The following SLC44A1 variants were observed in gnomAD, a reference collection of about 807,000 sequenced individuals.
SLC44A1 encodes the protein choline transporter-like protein 1.
A neutral mutation model predicts 79.3 loss-of-function variants in SLC44A1; 26 were observed. The ratio of observed to expected loss-of-function variants is 0.33; its 90% CI spans 0.24 to 0.46. The LOEUF is 0.46. SLC44A1 is among the 20% of genes least tolerant of loss of function. The pLI is 1.00. For synonymous variants in SLC44A1, 263 were observed against 286.2 expected, an observed-to-expected ratio of 0.92 and a Z score of 0.82; for missense variants, 688 against 798.1, an observed-to-expected ratio of 0.86 and a Z score of 1.66.
intron 15 of SLC44A1, 26 bp from the exon 16 acceptor site, chr9:105,389,007 A>G: frequency 6.3e-7 from 1 of 1,583,224 alleles, no homozygotes; most frequent in Non-Finnish European, 8.7e-7. Flanking sequence ...GTCTAAGATT[A>G]TACTCTGTAT....
intron 4 of SLC44A1, among the ~76,000 whole-genome samples, chr9:105,346,231 C>A (rs1827243526): frequency 6.6e-6 from 1 of 152,072 alleles, no homozygotes; most frequent in Non-Finnish European, 1.5e-5. Flanking sequence ...AGTACAGGAT[C>A]TATTTAGTAC....
chr9:105,420,861 CAAAAAAAAAAA>C (rs34053627), intron 15 of SLC44A1, among the ~76,000 whole-genome samples: 9 of 12,470 alleles, frequency 7.2e-4, no homozygotes, highest in Non-Finnish European at 1.5e-3. Flanking sequence ...AACTCCATCT[CAAAAAAAAAAA>C]AAAAAAAAAA....
At chr9:105,266,823 C>G (rs949541884) in intron 1 of SLC44A1, among the ~76,000 whole-genome samples, 6 of 152,168 alleles carry the variant, frequency 3.9e-5, no homozygotes, top group African/African-American at 7.2e-5. Flanking sequence ...TTAGAATCAG[C>G]TTGTTAATAT....
intron 1 of SLC44A1, among the ~76,000 whole-genome samples, chr9:105,279,059 A>G (rs1207230056): frequency 1.3e-5 from 2 of 151,946 alleles, no homozygotes; most frequent in African/African-American, 4.8e-5. Context: ...CAACCCGGGA[A>G]CCAAACTCAG....
intron 15 of SLC44A1, among the ~76,000 whole-genome samples, chr9:105,420,967 G>A (rs1182302462): frequency 6.7e-6 from 1 of 148,490 alleles, no homozygotes; most frequent in African/African-American, 2.5e-5. Context: ...CATTCAGAAA[G>A]ACACAGATAT....
intron 15 of SLC44A1, among the ~76,000 whole-genome samples, chr9:105,433,160 G>A (rs968779352): frequency 3.3e-5 from 5 of 152,076 alleles, no homozygotes; most frequent in Non-Finnish European, 7.4e-5. Flanking sequence ...GCCGGGTATG[G>A]TAGTGTGCGC....
chr9:105,304,510 C>A (rs1035027096), intron 2 of SLC44A1, among the ~76,000 whole-genome samples: 1 of 152,060 alleles, frequency 6.6e-6, no homozygotes, highest in Non-Finnish European at 1.5e-5. Flanking sequence ...TTTTAATCTG[C>A]TTTTGCTTTA....
intron 4 of SLC44A1, among the ~76,000 whole-genome samples, chr9:105,347,861 G>A: frequency 6.6e-6 from 1 of 152,094 alleles, no homozygotes; most frequent in East Asian, 1.9e-4. Context: ...TAAGCATTTA[G>A]TAATTGAAAG....
intron 1 of SLC44A1, among the ~76,000 whole-genome samples, chr9:105,292,597 A>G (rs1338969694): frequency 1.3e-5 from 2 of 152,222 alleles, no homozygotes; most frequent in African/African-American, 2.4e-5. Context: ...AACACATTCT[A>G]TTTTAGACAC....
At chr9:105,371,349 A>C (rs554878061) in intron 12 of SLC44A1, among the ~76,000 whole-genome samples, 1 of 152,364 alleles carries the variant, frequency 6.6e-6, no homozygotes, top group South Asian at 2.1e-4. Context: ...ACGACGGCAC[A>C]GTTCCATCAC....
At chr9:105,322,410 A>G (rs1292722046) in intron 3 of SLC44A1, among the ~76,000 whole-genome samples, 1 of 152,204 alleles carries the variant, frequency 6.6e-6, no homozygotes, top group Non-Finnish European at 1.5e-5. Context: ...AGAAGAGTGT[A>G]TCAGTCTTAT....
chr9:105,351,620 A>AAGAG (rs1219028504), intron 5 of SLC44A1, among the ~76,000 whole-genome samples: 4 of 78,512 alleles, frequency 5.1e-5, no homozygotes, highest in East Asian at 6.6e-4. Flanking sequence ...GAAAGAAAGA[A>AAGAG]AGAGAGAGAA....
chr9:105,397,655 C>T (rs978404407), downstream of SLC44A1, among the ~76,000 whole-genome samples: 5 of 152,122 alleles, frequency 3.3e-5, no homozygotes, highest in African/African-American at 4.8e-5. Context: ...GTAGAAAAGC[C>T]TCCACTGGGC....
At chr9:105,425,812 G>T (rs1234877720) in intron 15 of SLC44A1, among the ~76,000 whole-genome samples, 2 of 152,150 alleles carry the variant, frequency 1.3e-5, no homozygotes, top group Non-Finnish European at 2.9e-5. Context: ...GGCAGAGCAA[G>T]ACTCTGTCAA....
At chr9:105,259,195 G>A (rs772556205) in intron 1 of SLC44A1, among the ~76,000 whole-genome samples, 2 of 152,166 alleles carry the variant, frequency 1.3e-5, no homozygotes, top group African/African-American at 4.8e-5. Context: ...AACTAAGTCT[G>A]AACAAGTCTG....
chr9:105,371,208 C>T (rs1009592347), intron 12 of SLC44A1, among the ~76,000 whole-genome samples: 1 of 152,116 alleles, frequency 6.6e-6, no homozygotes, highest in Non-Finnish European at 1.5e-5. Flanking sequence ...GTTCCACATA[C>T]AGTAGATGAG....
At chr9:105,368,118 G>A (rs1053147791) in intron 12 of SLC44A1, among the ~76,000 whole-genome samples, 3 of 151,858 alleles carry the variant, frequency 2.0e-5, no homozygotes, top group African/African-American at 7.2e-5. Flanking sequence ...TCGATAAAAG[G>A]TTAACAAATG....
At chr9:105,322,633 G>C (rs1376993790) in intron 3 of SLC44A1, among the ~76,000 whole-genome samples, 1 of 152,176 alleles carries the variant, frequency 6.6e-6, no homozygotes, top group Non-Finnish European at 1.5e-5. Context: ...GTTAAGAACA[G>C]TGATTGGAAC....
chr9:105,391,207 T>C lies in SLC44A1; in HGVS notation c.*2151T>C. On this transcript the variant is annotated 3_prime_UTR_variant, in exon 16 of 16. Coordinates refer to ENST00000374720, the MANE Select transcript of SLC44A1 (RefSeq NM_080546.5). Reference sequence around the variant, plus strand: ...TAGGTTCTACTCACTTGGACATCCCTGCATCATGGACTGTTGCTGCTCCCT... The same window carrying C: ...TAGGTTCTACTCACTTGGACATCCCCGCATCATGGACTGTTGCTGCTCCCT... 1 of 985,804 alleles carries C rather than the reference T, an allele frequency of 1.0e-6. No individual in the cohort carries two copies. Among genetic ancestry groups the C allele is most frequent in the Non-Finnish European group, 1.2e-6 (1 of 829,934 alleles). The allele number at this position is 985,804 out of a possible 1,614,324, so 61.1% of individuals were successfully genotyped here.
Sources: gnomAD v4.1 joint callset for allele counts (sites outside exome capture counted in the v4.1 genomes callset) on GRCh38, gnomAD v4.1.1 for gene constraint, MANE v1.5 for transcripts, NCBI Gene and HGNC (gene_info 2026-07-23, HGNC 2026-07-21) for gene names.